The following SH3RF1 variants were observed in gnomAD, a reference collection of about 807,000 sequenced individuals.
SH3RF1 encodes SH3 domain containing ring finger 1, also known as E3 ubiquitin-protein ligase SH3RF1.
A neutral mutation model predicts 74.0 loss-of-function variants in SH3RF1; 32 were observed. That is an observed-to-expected ratio of 0.43 (90% confidence interval 0.33 to 0.58). The LOEUF is 0.58. Ranked by LOEUF, SH3RF1 falls within the 20% of genes least tolerant of loss-of-function variation. SH3RF1 has a pLI of 0.05. For synonymous variants in SH3RF1, 396 were observed against 439.6 expected (o/e 0.90, Z 1.24); for missense variants, 954 against 1,130.9 (o/e 0.84, Z 2.24).
chr4:169,145,436 T>C (rs559559856), intron 4 of SH3RF1, among the ~76,000 whole-genome samples: 101 of 150,954 alleles, frequency 6.7e-4, no homozygotes, highest in African/African-American at 2.3e-3. Context: ...CAGGTGAAGG[T>C]TGAAAATTTA....
At chr4:169,257,253 T>C (rs1415255803) in intron 2 of SH3RF1, among the ~76,000 whole-genome samples, 1 of 152,220 alleles carries the variant, frequency 6.6e-6, no homozygotes, top group African/African-American at 2.4e-5. Context: ...TTAATTCCTC[T>C]GCATTTCCCC....
chr4:169,170,380 G>A (rs1294813580), intron 2 of SH3RF1, among the ~76,000 whole-genome samples: 1 of 152,128 alleles, frequency 6.6e-6, no homozygotes, highest in Admixed American at 6.5e-5. Context: ...GCATAAGAAG[G>A]TAACAGATCA....
intron 4 of SH3RF1, among the ~76,000 whole-genome samples, chr4:169,138,851 A>G (rs1733738337): frequency 6.6e-6 from 1 of 152,124 alleles, no homozygotes; most frequent in Non-Finnish European, 1.5e-5. Flanking sequence ...ATTGTTCCCA[A>G]TATTTCCTGC....
intron 2 of SH3RF1, among the ~76,000 whole-genome samples, chr4:169,188,199 A>G (rs1734641535): frequency 6.6e-6 from 1 of 152,192 alleles, no homozygotes; most frequent in African/African-American, 2.4e-5. Context: ...GTTTTTGGTA[A>G]TTTGTTACAG....
At chr4:169,245,339 G>A (rs771887806) in intron 2 of SH3RF1, among the ~76,000 whole-genome samples, 3 of 152,110 alleles carry the variant, frequency 2.0e-5, no homozygotes, top group African/African-American at 4.8e-5. Context: ...TGGAGAAAAC[G>A]TGAAATTTTG....
rs1302608035 is a variant in SH3RF1 at position 169,225,876 on chromosome 4, AG to A, written c.393+42943del. ...TATGACCCACCAACGACAAGAAAAC[AG>A]AAGAGATGAGCAGAGACATGTTACC... On this transcript the variant is annotated intron_variant, in intron 2 of 11. Coordinates refer to ENST00000284637, the MANE Select transcript of SH3RF1 (RefSeq NM_020870.4). Among the ~76,000 whole-genome samples the A allele has an allele frequency of 4.6e-5, 7 of 152,314 alleles. No individual in the cohort carries two copies. In the East Asian group the frequency reaches 1.3e-3, roughly 29 times the overall value.
At chr4:169,258,633 T>G (rs566564448) in intron 2 of SH3RF1, among the ~76,000 whole-genome samples, 1 of 152,000 alleles carries the variant, frequency 6.6e-6, no homozygotes, top group East Asian at 1.9e-4. Context: ...ACAAGTTCAA[T>G]AATGGGGAAA....
intron 2 of SH3RF1, among the ~76,000 whole-genome samples, chr4:169,187,352 T>C (rs1039077979): frequency 3.3e-5 from 5 of 152,108 alleles, no homozygotes; most frequent in South Asian, 4.1e-4. Context: ...GTCACCATGC[T>C]TGGCTAATTT....
rs117151673 is a variant in SH3RF1 at position 169,144,573 on chromosome 4, A to G, written c.766-7953T>C. ...ACTCATGATAAAAGAAAACCTAAGA[A>G]ACAGCATGATGGATTAAGGATAGGA... On this transcript the variant is annotated intron_variant, in intron 4 of 11. Coordinates refer to ENST00000284637, the MANE Select transcript of SH3RF1 (RefSeq NM_020870.4). 5.9e-5 allele frequency among the ~76,000 whole-genome samples: 9 copies of G among 152,274 alleles called. No individual in the cohort carries two copies. In the East Asian group the frequency reaches 1.2e-3, roughly 20 times the overall value.
At chr4:169,230,451 A>C (rs1297224196) in intron 2 of SH3RF1, among the ~76,000 whole-genome samples, 2 of 152,218 alleles carry the variant, frequency 1.3e-5, no homozygotes, top group Non-Finnish European at 2.9e-5. Context: ...GTTAATTCTA[A>C]AGAGATGGGA....
intron 2 of SH3RF1, among the ~76,000 whole-genome samples, chr4:169,175,466 C>T (rs1184480915): frequency 1.3e-5 from 2 of 152,150 alleles, no homozygotes; most frequent in Non-Finnish European, 2.9e-5. Flanking sequence ...CCACTCCAGG[C>T]TCTTCCCTGC....
intron 4 of SH3RF1, among the ~76,000 whole-genome samples, chr4:169,144,750 A>G (rs1015543892): frequency 2.6e-5 from 4 of 151,884 alleles, no homozygotes; most frequent in Admixed American, 2.0e-4. Context: ...ACTACTTGGC[A>G]GGGTCAACTG....
At chr4:169,216,795 AAT>A (rs1161191494) in intron 2 of SH3RF1, among the ~76,000 whole-genome samples, 2 of 152,146 alleles carry the variant, frequency 1.3e-5, no homozygotes, top group African/African-American at 4.8e-5. Context: ...TATAACTTAT[AAT>A]AAAGCAAAAT....
At chr4:169,256,511 C>T (rs761578385) in intron 2 of SH3RF1, among the ~76,000 whole-genome samples, 9 of 152,130 alleles carry the variant, frequency 5.9e-5, no homozygotes, top group Admixed American at 1.3e-4. Context: ...TAAAACAGAA[C>T]GAAATGTTCT....
At chr4:169,121,092 G>T in intron 7 of SH3RF1, 103 bp from the exon 8 acceptor site, 1 of 908,734 alleles carries the variant, frequency 1.1e-6, no homozygotes, top group Non-Finnish European at 1.7e-6. Flanking sequence ...TTGTACAAAT[G>T]TAAACTGAAA....
intron 2 of SH3RF1, among the ~76,000 whole-genome samples, chr4:169,254,817 G>A (rs1731160419): frequency 6.6e-6 from 1 of 152,194 alleles, no homozygotes; most frequent in African/African-American, 2.4e-5. Flanking sequence ...AGCAGGGGTT[G>A]GATAGCGTCC....
intron 10 of SH3RF1, among the ~76,000 whole-genome samples, chr4:169,109,196 C>T (rs916063659): frequency 7.2e-5 from 11 of 152,164 alleles, no homozygotes; most frequent in African/African-American, 9.7e-5. Flanking sequence ...CACTAGTCCA[C>T]GGACCCCCAA....
intron 4 of SH3RF1, among the ~76,000 whole-genome samples, chr4:169,139,471 T>C (rs966872627): frequency 2.6e-5 from 4 of 152,272 alleles, no homozygotes; most frequent in African/African-American, 9.6e-5. Flanking sequence ...TAATATTCTA[T>C]TGTGTAAATA....
intron 6 of SH3RF1, among the ~76,000 whole-genome samples, chr4:169,125,803 A>G (rs1325853162): frequency 6.6e-6 from 1 of 152,186 alleles, no homozygotes; most frequent in Non-Finnish European, 1.5e-5. Flanking sequence ...GTGTGTACTG[A>G]ACTCAGATGC....
Sources: allele counts gnomAD v4.1 joint callset (sites outside exome capture counted in the v4.1 genomes callset), GRCh38; gene constraint gnomAD v4.1.1; transcripts MANE v1.5; gene names NCBI Gene and HGNC (gene_info 2026-07-23, HGNC 2026-07-21).